The following IMPA2 variants were observed in gnomAD, a reference collection of about 807,000 sequenced individuals.
The protein encoded by IMPA2 is IMP 2.
IMPA2 carries 32 observed loss-of-function variants against 35.1 expected under a neutral mutation model. That is an observed-to-expected ratio of 0.91 (90% CI 0.69 to 1.23). The LOEUF is 1.23. Ranked by LOEUF, IMPA2 falls within the 50% of genes most tolerant of loss-of-function variation. The pLI is 0.00. For missense variants in IMPA2, 334 were observed against 387.6 expected, an observed-to-expected ratio of 0.86 and a Z score of 1.16; for synonymous variants, 135 against 160.6, an observed-to-expected ratio of 0.84 and a Z score of 1.20.
At chr18:12,012,685 C>T (rs1228314635) in intron 4 of IMPA2, among the ~76,000 whole-genome samples, 4 of 152,214 alleles carry the variant, frequency 2.6e-5, no homozygotes, top group South Asian at 4.1e-4. Context: ...CTGAACTACA[C>T]AGTGTTGTGC....
intron 7 of IMPA2, among the ~76,000 whole-genome samples, chr18:12,029,932 C>T (rs989119523): frequency 6.6e-6 from 1 of 152,242 alleles, no homozygotes; most frequent in Non-Finnish European, 1.5e-5. Context: ...CAGGTAGCCT[C>T]AGCCCCACCC....
rs1247708091 is a variant in IMPA2, at chr18:12,010,941, G to C, written c.335+954G>C. 1.3e-5 allele frequency among the ~76,000 whole-genome samples: 2 copies of C among 152,158 alleles called. No individual in the cohort carries two copies. The highest frequency in any genetic ancestry group is 3.8e-4 in the East Asian group (2 of 5,198). ...AGGCAGTGGAGTCGTGCCATCTGGT[G>C]CCAGCAAATGTGTCACCAATCTCTC... On this transcript the variant is annotated intron_variant, in intron 3 of 7. Transcript: ENST00000269159. The surrounding 1 kb of genome is among the most constrained non-coding windows in gnomAD (Gnocchi z 4.8).
At chr18:12,019,262 T>G (rs1907663630) in intron 5 of IMPA2, among the ~76,000 whole-genome samples, 1 of 151,952 alleles carries the variant, frequency 6.6e-6, no homozygotes, top group Non-Finnish European at 1.5e-5. Context: ...GTAGCAATTT[T>G]TTTTGTTTTT....
intron 5 of IMPA2, among the ~76,000 whole-genome samples, chr18:12,014,830 G>C (rs1420515332): frequency 6.6e-6 from 1 of 152,112 alleles, no homozygotes; most frequent in African/African-American, 2.4e-5. Context: ...CCTGGGGAAT[G>C]AGTCATGTGA....
chr18:11,987,522 C>T lies in IMPA2; in HGVS notation c.96+5757C>T, dbSNP rs1271450. On this transcript the variant is annotated intron_variant, in intron 1 of 7. Transcript: ENST00000269159. ...ATTTTTGTATTTTTAGTAGAGACGGCGTTTCACCATATTGGCCAGGCTGAT... is the reference window on the plus strand; with the variant it reads ...ATTTTTGTATTTTTAGTAGAGACGGTGTTTCACCATATTGGCCAGGCTGAT... Among the ~76,000 whole-genome samples the T allele has an allele frequency of 3.2e-3, 486 of 151,930 alleles. 1 individual carries two copies. Among genetic ancestry groups the T allele is most frequent in the African/African-American group, 0.01 (424 of 41,442 alleles).
At position 12,009,969 on chromosome 18, in the gene IMPA2, C is replaced by T; in HGVS notation, c.317C>T (p.Thr106Ile). 6.2e-7 allele frequency: 1 copy of T among 1,613,900 alleles called. No homozygotes were observed. Among genetic ancestry groups the T allele is most frequent in the Non-Finnish European group, 8.5e-7 (1 of 1,179,948 alleles). Residue 106 changes from threonine to isoleucine, a missense_variant, in exon 3 of 8, where the codon ACC becomes ATC. By Grantham distance (89) the Thr-to-Ile change is moderately conservative. Transcript: ENST00000269159. ...PTWIIDPIDGTCNFVHRFPTV... is the reference protein window; with the variant it reads ...PTWIIDPIDGICNFVHRFPTV... ...TGGATCATCGACCCCATCGACGGCA[C>T]CTGCAATTTTGTGCACAGGTGAGCT...
rs183217148 is a variant in IMPA2, at chr18:12,015,278, A to C, written c.490+905A>C. On this transcript the variant is annotated intron_variant, in intron 5 of 7. Transcript: ENST00000269159. ...GTTACACTCTTTCTTCTGCTCTCCC[A>C]TCAGCCTCCCTGCCGCCTCCCCTCT... 3.9e-4 allele frequency among the ~76,000 whole-genome samples: 59 copies of C among 152,208 alleles called. No homozygotes were observed. The East Asian group carries it at 0.011, about 28-fold the overall frequency.
rs1258979152 is a variant in IMPA2, at chr18:11,991,478, A to G, written c.97-7576A>G. Among the ~76,000 whole-genome samples, 1 of 152,122 alleles carries G rather than the reference A, an allele frequency of 6.6e-6. No individual in the cohort carries two copies. Among genetic ancestry groups the G allele is most frequent in the Non-Finnish European group, 1.5e-5 (1 of 68,022 alleles). On this transcript the variant is annotated intron_variant, in intron 1 of 7. Coordinates refer to ENST00000269159, the MANE Select transcript of IMPA2 (RefSeq NM_014214.3). This position sits in a 1 kb window ranked among gnomAD's most constrained non-coding sequence, Gnocchi z 4.1. ...CTGACCACATGTGCCACATGACACC[A>G]TGTGATAGGCGTGTTATTACCTGGG... is the stretch of plus-strand genomic sequence containing the variant.
At chr18:12,023,997 A>G (rs1598705434) in intron 5 of IMPA2, among the ~76,000 whole-genome samples, 2 of 152,212 alleles carry the variant, frequency 1.3e-5, no homozygotes, top group Admixed American at 1.3e-4. Flanking sequence ...GTGTTCATCT[A>G]TCTCGAAAAA....
At position 11,981,539 on chromosome 18, in the gene IMPA2, C is replaced by A; in HGVS notation, c.-131C>A. 1 of 544,250 alleles carries A rather than the reference C, an allele frequency of 1.8e-6. No individual in the cohort carries two copies. Among genetic ancestry groups the A allele is most frequent in the Non-Finnish European group, 2.8e-6 (1 of 362,504 alleles). The allele number at this position is 544,250 out of a possible 1,614,324, so 33.7% of individuals were successfully genotyped here. On this transcript the variant is annotated 5_prime_UTR_variant, in exon 1 of 8. Coordinates refer to ENST00000269159, the MANE Select transcript of IMPA2 (RefSeq NM_014214.3). ...CCCGCCAGCGCAGGTGTGGGACGGG[C>A]GGCGGACTAGGCACAGAGCTGCGGG...
chr18:11,990,375 C>A (rs1041760589), intron 1 of IMPA2, among the ~76,000 whole-genome samples: 5 of 151,430 alleles, frequency 3.3e-5, no homozygotes, highest in Admixed American at 3.3e-4. Context: ...CAGGAGTCAG[C>A]TAGGAAGGTT....
chr18:11,997,247 C>T (rs1249058376), intron 1 of IMPA2, among the ~76,000 whole-genome samples: 2 of 152,170 alleles, frequency 1.3e-5, no homozygotes, highest in Non-Finnish European at 2.9e-5. Flanking sequence ...GCCTGTGGAG[C>T]TTGATTTGTT....
intron 2 of IMPA2, among the ~76,000 whole-genome samples, chr18:12,000,024 G>A (rs1907072982): frequency 6.6e-6 from 1 of 152,022 alleles, no homozygotes; most frequent in South Asian, 2.1e-4. Flanking sequence ...CTTAAAACTG[G>A]AATACCAGTT....
intron 5 of IMPA2, among the ~76,000 whole-genome samples, chr18:12,023,294 C>CA (rs1441246593): frequency 6.6e-6 from 1 of 152,178 alleles, no homozygotes; most frequent in East Asian, 1.9e-4. Context: ...GTAATGGCTC[C>CA]ATGGCCTGAG....
chr18:11,998,911 C>T (rs1907031471), intron 1 of IMPA2, 143 bp from the exon 2 acceptor site: 1 of 278,138 alleles, frequency 3.6e-6, no homozygotes, highest in Non-Finnish European at 6.6e-6. Context: ...CACAGAGCCA[C>T]ACCTGCTGCC....
intron 4 of IMPA2, among the ~76,000 whole-genome samples, chr18:12,013,912 CA>C (rs1450770204): frequency 6.6e-6 from 1 of 152,214 alleles, no homozygotes; most frequent in East Asian, 1.9e-4. Flanking sequence ...GTTAGAGTCA[CA>C]AGTAACATTC....
chr18:11,998,073 G>C (rs1170901006), intron 1 of IMPA2, among the ~76,000 whole-genome samples: 1 of 152,162 alleles, frequency 6.6e-6, no homozygotes, highest in African/African-American at 2.4e-5. Flanking sequence ...AGGCTGAGGT[G>C]GGAGGATCAC....
intron 1 of IMPA2, among the ~76,000 whole-genome samples, chr18:11,996,131 G>A (rs2143786682): frequency 6.6e-6 from 1 of 152,310 alleles, no homozygotes; most frequent in East Asian, 1.9e-4. Flanking sequence ...GATATGGTAA[G>A]TTGTAGAAGG....
chr18:11,986,503 CT>C (rs1160610011), intron 1 of IMPA2, among the ~76,000 whole-genome samples: 2 of 152,254 alleles, frequency 1.3e-5, no homozygotes, highest in South Asian at 2.1e-4. Flanking sequence ...TATGAATACT[CT>C]TTTGTCTACC....
Sources: gnomAD v4.1 joint callset for allele counts (sites outside exome capture counted in the v4.1 genomes callset) on GRCh38, gnomAD v4.1.1 for gene constraint, Gnocchi (gnomAD v3.1) non-coding constraint, MANE v1.5 for transcripts, NCBI Gene and HGNC (gene_info 2026-07-23, HGNC 2026-07-21) for gene names.